PRICKLE1: variants seen among roughly 807,000 people sequenced by gnomAD.
PRICKLE1 encodes the protein prickle planar cell polarity protein 1.
In PRICKLE1, 14 loss-of-function variants were observed where a neutral mutation model predicts 70.2. That is an observed-to-expected ratio of 0.20 (90% CI 0.13 to 0.31). PRICKLE1 has a LOEUF of 0.31. Among genes scored for constraint, PRICKLE1 ranks in the 10% least tolerant of loss-of-function variants. The pLI is 1.00. For synonymous variants in PRICKLE1, 357 were observed against 379.9 expected, an observed-to-expected ratio of 0.94 and a Z score of 0.70; for missense variants, 821 against 1,026.2, an observed-to-expected ratio of 0.80 and a Z score of 2.73.
intron 1 of PRICKLE1, among the ~76,000 whole-genome samples, chr12:42,528,977 G>A (rs975517790): frequency 2.0e-5 from 3 of 152,096 alleles, no homozygotes; most frequent in African/African-American, 7.2e-5. Context: ...AGCCACCACC[G>A]GCTAAGGGAA....
At chr12:42,505,063 C>T (rs886564040) in intron 1 of PRICKLE1, among the ~76,000 whole-genome samples, 5 of 152,162 alleles carry the variant, frequency 3.3e-5, no homozygotes, top group African/African-American at 4.8e-5. Context: ...CACTTGAACC[C>T]AGGAGGTGGA....
rs188514753 is a variant in PRICKLE1, at chr12:42,556,503, T to A, written c.-49+32962A>T. Among the ~76,000 whole-genome samples, 368 of 152,328 alleles carry A rather than the reference T, an allele frequency of 2.4e-3. 4 individuals are homozygous for A. The highest frequency in any genetic ancestry group is 0.024 in the Middle Eastern group (7 of 294). ...AGGAGCTTCACTGATTTGCTGGAGA[T>A]CATGCAGCTACTATCTAAGCGTCAT... is the stretch of plus-strand genomic sequence containing the variant. On this transcript the variant is annotated intron_variant, in intron 1 of 7. Transcript: ENST00000345127.
chr12:42,552,332 T>C (rs1260580618), intron 1 of PRICKLE1, among the ~76,000 whole-genome samples: 1 of 152,148 alleles, frequency 6.6e-6, no homozygotes, highest in Non-Finnish European at 1.5e-5. Flanking sequence ...CCTCCCAAAG[T>C]GCTGGGATTA....
At chr12:42,514,815 T>C (rs1409510355) in intron 1 of PRICKLE1, among the ~76,000 whole-genome samples, 1 of 152,180 alleles carries the variant, frequency 6.6e-6, no homozygotes, top group African/African-American at 2.4e-5. Flanking sequence ...TGTTAGTTGA[T>C]TCTTTTAGTA....
In PRICKLE1 at chr12:42,459,961, G is replaced by A. The variant is rs752866274; in HGVS notation, c.2344C>T (p.Pro782Ser). The change falls in exon 8 of 8, where the codon CCA (proline) becomes TCA (serine). Residue 782 changes from proline to serine, a missense_variant. By Grantham distance (74) the Pro-to-Ser change is moderately conservative. Coordinates refer to ENST00000345127, the MANE Select transcript of PRICKLE1 (RefSeq NM_153026.3). ...SEEEGYFLGQPIPQPRPQRFA... is the reference protein window; with the variant it reads ...SEEEGYFLGQSIPQPRPQRFA... Reference sequence around the variant, plus strand: ...CTCTGTGGCCGGGGTTGAGGGATTGGTTGTCCAAGAAAATATCCTTCTTCT... The same window carrying A: ...CTCTGTGGCCGGGGTTGAGGGATTGATTGTCCAAGAAAATATCCTTCTTCT... The A allele has an allele frequency of 9.3e-6, 15 of 1,614,018 alleles. No individual in the cohort carries two copies. The highest frequency in any genetic ancestry group is 1.6e-4 in the Middle Eastern group (1 of 6,084).
At chr12:42,470,464 G>A in intron 2 of PRICKLE1, 105 bp from the exon 3 acceptor site, 1 of 798,318 alleles carries the variant, frequency 1.3e-6, no homozygotes, top group East Asian at 2.6e-5. Flanking sequence ...TTGGCCTCTT[G>A]TAGCTAATGA....
At chr12:42,486,392 G>GAATGA (rs1938991314) in intron 1 of PRICKLE1, among the ~76,000 whole-genome samples, 1 of 152,172 alleles carries the variant, frequency 6.6e-6, no homozygotes, top group Admixed American at 6.5e-5. Flanking sequence ...ATAAACATGA[G>GAATGA]TTAAGTGAAT....
chr12:42,580,542 T>C (rs1301542086), intron 1 of PRICKLE1, among the ~76,000 whole-genome samples: 3 of 152,326 alleles, frequency 2.0e-5, no homozygotes, highest in Non-Finnish European at 4.4e-5. Context: ...TTGTTTTAAA[T>C]TGGGAGATAC....
intron 1 of PRICKLE1, chr12:42,483,295 G>C (rs534225930): frequency 6.6e-6 from 1 of 152,486 alleles, no homozygotes; most frequent in East Asian, 2.0e-4. Flanking sequence ...CCCCTCGCCG[G>C]CGCGCACCCT....
intron 1 of PRICKLE1, among the ~76,000 whole-genome samples, chr12:42,575,173 T>C (rs1288890143): frequency 6.6e-6 from 1 of 152,004 alleles, no homozygotes; most frequent in Admixed American, 6.6e-5. Context: ...TGTAACAACA[T>C]AACAATGAAA....
Position 42,528,454 on chromosome 12 carries a change from A to G in PRICKLE1, c.-48-55890T>C, listed in dbSNP as rs562061233. 3.3e-5 allele frequency among the ~76,000 whole-genome samples: 5 copies of G among 152,324 alleles called. No individual in the cohort carries two copies. The East Asian group carries it at 7.7e-4, about 23-fold the overall frequency. On this transcript the variant is annotated intron_variant, in intron 1 of 7. Transcript: ENST00000345127. ...AAATCGTGTTTAAGGAGAGCTCTTA[A>G]TTTTGAGAAAAACAACATTTGCAAG...
At chr12:42,462,274 C>G (rs1414641624) in intron 7 of PRICKLE1, among the ~76,000 whole-genome samples, 2 of 151,910 alleles carry the variant, frequency 1.3e-5, no homozygotes, top group African/African-American at 4.8e-5. Flanking sequence ...GATCTCGGCT[C>G]ACTGCAACCT....
chr12:42,573,816 A>C (rs1940761132), intron 1 of PRICKLE1, among the ~76,000 whole-genome samples: 1 of 152,172 alleles, frequency 6.6e-6, no homozygotes, highest in Non-Finnish European at 1.5e-5. Context: ...ATTAAAAGGC[A>C]TGAGCCACCG....
At chr12:42,495,892 C>A (rs897910425) in intron 1 of PRICKLE1, among the ~76,000 whole-genome samples, 10 of 152,340 alleles carry the variant, frequency 6.6e-5, no homozygotes, top group Admixed American at 2.0e-4. Flanking sequence ...TGCGCCCAGC[C>A]CCACTGAAGT....
At chr12:42,516,420 C>A (rs540529944) in intron 1 of PRICKLE1, among the ~76,000 whole-genome samples, 3 of 152,206 alleles carry the variant, frequency 2.0e-5, no homozygotes, top group Non-Finnish European at 2.9e-5. Flanking sequence ...GCGTGAGCCA[C>A]CGTGCCTGGC....
rs1361958779 is a variant in PRICKLE1 at position 42,465,177 on chromosome 12, G to A, written c.857C>T (p.Ala286Val). The change falls in exon 7 of 8, where the codon GCC becomes GTC. Residue 286 changes from alanine to valine, a missense_variant. Transcript: ENST00000345127. ...AAGGAAGGGACATCCCAACAAAGAG[G>A]CTTTACACTGGGCACAAGAAAAGCA... is the stretch of plus-strand genomic sequence containing the variant. Reference protein sequence around the residue: ...EACFSCAQCKASLLGCPFLPK... With the variant: ...EACFSCAQCKVSLLGCPFLPK... 1 of 1,605,578 alleles carries A rather than the reference G, an allele frequency of 6.2e-7. No individual in the cohort carries two copies. The highest frequency in any genetic ancestry group is 2.2e-5 in the East Asian group (1 of 44,858).
chr12:42,516,877 T>C (rs1008333934), intron 1 of PRICKLE1, among the ~76,000 whole-genome samples: 2 of 152,152 alleles, frequency 1.3e-5, no homozygotes, highest in East Asian at 1.9e-4. Flanking sequence ...ACTTTTCCCA[T>C]CTCCTGCCTA....
At chr12:42,480,008 G>A (rs186366106) in intron 1 of PRICKLE1, among the ~76,000 whole-genome samples, 86 of 152,094 alleles carry the variant, frequency 5.7e-4, no homozygotes, top group African/African-American at 1.7e-3. Flanking sequence ...GTGGTGGCAC[G>A]TGTAAAAATT....
chr12:42,549,479 C>T (rs1388395164), intron 1 of PRICKLE1, among the ~76,000 whole-genome samples: 2 of 152,148 alleles, frequency 1.3e-5, no homozygotes, highest in African/African-American at 4.8e-5. Flanking sequence ...CACATCTTTC[C>T]TTTAGGGTCC....
Sources: allele counts gnomAD v4.1 joint callset (sites outside exome capture counted in the v4.1 genomes callset), GRCh38; gene constraint gnomAD v4.1.1; transcripts MANE v1.5; gene names NCBI Gene and HGNC (gene_info 2026-07-23, HGNC 2026-07-21).